ACOT11: variants seen among roughly 807,000 people sequenced by gnomAD.
ACOT11 encodes acyl-coenzyme A thioesterase 11.
ACOT11 carries 69 observed loss-of-function variants against 77.5 expected under a neutral mutation model. The ratio of observed to expected loss-of-function variants is 0.89; its 90% CI spans 0.73 to 1.09. The LOEUF (loss-of-function observed/expected upper bound fraction) is 1.09, where lower values mean the gene tolerates loss of function less well. Among genes scored for constraint, ACOT11 ranks in the 50% least tolerant of loss-of-function variants. The pLI is 0.00. For synonymous variants in ACOT11, 279 were observed against 313.0 expected, an observed-to-expected ratio of 0.89 and a Z score of 1.15; for missense variants, 766 against 813.7, an observed-to-expected ratio of 0.94 and a Z score of 0.71.
chr1:54,566,110 T>G (rs1242098311), intron 1 of ACOT11, among the ~76,000 whole-genome samples: 2 of 152,160 alleles, frequency 1.3e-5, no homozygotes, highest in Non-Finnish European at 2.9e-5. Context: ...CCTCACTGAC[T>G]GCTTGCTCGC....
At position 54,619,831 on chromosome 1, in the gene ACOT11, C is replaced by T. The variant is rs764448487; in HGVS notation, c.1630-10903C>T. On this transcript the variant is annotated intron_variant, in intron 15 of 16. Transcript: ENST00000371316. ...CCCTCTGTCTTCTCTATCCCTTGCC[C>T]TGGCCTGCCTCAGTCTTGGCAGCTG... The T allele has an allele frequency of 1.9e-6, 3 of 1,610,332 alleles. No individual in the cohort carries two copies. In the African/African-American group the frequency reaches 4.0e-5, roughly 21 times the overall value.
chr1:54,577,347 T>C (rs1239166898), intron 1 of ACOT11, among the ~76,000 whole-genome samples: 3 of 152,234 alleles, frequency 2.0e-5, no homozygotes, highest in Non-Finnish European at 4.4e-5. Flanking sequence ...CAGCTTTTTG[T>C]TTCTATAGAT....
chr1:54,558,912 G>A (rs1230830275), intron 1 of ACOT11, among the ~76,000 whole-genome samples: 8 of 152,160 alleles, frequency 5.3e-5, no homozygotes, highest in Admixed American at 3.3e-4. Flanking sequence ...TGCAGTTCCC[G>A]CACGCTGGGC....
At chr1:54,580,206 C>A (rs1039357963) in intron 1 of ACOT11, among the ~76,000 whole-genome samples, 1 of 152,148 alleles carries the variant, frequency 6.6e-6, no homozygotes, top group African/African-American at 2.4e-5. Context: ...GCTAGGCTGA[C>A]CCCCAAGGCC....
intron 6 of ACOT11, 144 bp downstream of exon 6, chr1:54,594,835 T>C: frequency 1.7e-6 from 2 of 1,182,828 alleles, no homozygotes; most frequent in East Asian, 2.7e-5. Context: ...CTAGCCCTCT[T>C]GGCTCCGAGG....
intron 1 of ACOT11, among the ~76,000 whole-genome samples, chr1:54,554,351 A>ATATATATATATAT (rs1553161034): frequency 3.8e-4 from 37 of 97,250 alleles, no homozygotes; most frequent in Non-Finnish European, 6.3e-4. Context: ...ATATATATAT[A>ATATATATATATAT]TTTTTTTTTT....
chr1:54,552,892 A>G (rs1653120072), intron 1 of ACOT11, among the ~76,000 whole-genome samples: 1 of 141,928 alleles, frequency 7.0e-6, no homozygotes, highest in Non-Finnish European at 1.5e-5. Context: ...CAGTGGTGCT[A>G]TTTTGGCTCA....
At chr1:54,567,625 C>T (rs1306201972) in intron 1 of ACOT11, among the ~76,000 whole-genome samples, 4 of 152,210 alleles carry the variant, frequency 2.6e-5, no homozygotes, top group East Asian at 1.9e-4. Context: ...ATCATCTCCA[C>T]GACCAAGTCC....
intron 1 of ACOT11, among the ~76,000 whole-genome samples, chr1:54,570,349 A>G (rs910741228): frequency 6.6e-6 from 1 of 152,238 alleles, no homozygotes; most frequent in African/African-American, 2.4e-5. Context: ...TTCAACTGGC[A>G]GTGCCAGGAG....
chr1:54,593,550 G>A (rs1344185128), intron 4 of ACOT11, among the ~76,000 whole-genome samples: 1 of 148,152 alleles, frequency 6.7e-6, no homozygotes, highest in African/African-American at 2.5e-5. Context: ...TCCTCCCGCT[G>A]CAGCCTCCCA....
chr1:54,557,101 T>A (rs1044776831), intron 1 of ACOT11, among the ~76,000 whole-genome samples: 4 of 151,612 alleles, frequency 2.6e-5, no homozygotes, highest in African/African-American at 9.7e-5. Context: ...TAAAAAAAAT[T>A]TTTATACTTA....
intron 1 of ACOT11, among the ~76,000 whole-genome samples, chr1:54,550,049 TATC>T (rs1300750293): frequency 6.6e-6 from 1 of 152,192 alleles, no homozygotes; most frequent in Non-Finnish European, 1.5e-5. Context: ...TAGGTACAGT[TATC>T]ATCCCCGTAT....
At position 54,609,408 on chromosome 1, in the gene ACOT11, C is replaced by A; in HGVS notation, c.*296C>A. Reference sequence around the variant, plus strand: ...TAGTCGCCCCCAGCTGGGTTGTGCTCCACTGTGACGGTGGCCCGGGGGGAG... The same window carrying A: ...TAGTCGCCCCCAGCTGGGTTGTGCTACACTGTGACGGTGGCCCGGGGGGAG... On this transcript the variant is annotated 3_prime_UTR_variant, in exon 16 of 16. Coordinates refer to ENST00000343744, the MANE Select transcript of ACOT11 (RefSeq NM_147161.4). 6.2e-7 allele frequency: 1 copy of A among 1,614,030 alleles called. No individual in the cohort carries two copies. The highest frequency in any genetic ancestry group is 1.3e-5 in the African/African-American group (1 of 75,038).
intron 1 of ACOT11, among the ~76,000 whole-genome samples, chr1:54,569,127 AAT>A: frequency 2.2e-5 from 1 of 44,690 alleles, no homozygotes; most frequent in African/African-American, 9.2e-5. Context: ...AAAAAAAAAT[AAT>A]TTTTTTTTTT....
At chr1:54,611,713 T>TC (rs1347723297), downstream of ACOT11, 2 of 1,614,030 alleles carry the variant, frequency 1.2e-6, no homozygotes, top group Non-Finnish European at 1.7e-6. Flanking sequence ...CGACATGGGG[T>TC]CCGAGGCAGC....
chr1:54,570,830 G>A (rs1349635731), intron 1 of ACOT11, among the ~76,000 whole-genome samples: 6 of 151,344 alleles, frequency 4.0e-5, no homozygotes, highest in African/African-American at 9.8e-5. Flanking sequence ...ACAGGCACCC[G>A]CCACCACACC....
In ACOT11 at chr1:54,548,286, T is replaced by G. The variant is rs1336287564; in HGVS notation, c.-24T>G. ...CCAGCTTGTGTCTCTGGGAGGGCGC[T>G]GCTTTCCCCGGCCACCCGGCGCGAT... On this transcript the variant is annotated 5_prime_UTR_variant, in exon 1 of 16. Coordinates refer to ENST00000343744, the MANE Select transcript of ACOT11 (RefSeq NM_147161.4). 15 of 1,587,600 alleles carry G rather than the reference T, an allele frequency of 9.4e-6. No homozygotes were observed. The highest frequency in any genetic ancestry group is 1.8e-5 in the Admixed American group (1 of 56,162).
At chr1:54,612,478 GTT>G, downstream of ACOT11, 1 of 1,610,904 alleles carries the variant, frequency 6.2e-7, no homozygotes, top group Non-Finnish European at 8.5e-7. Context: ...GGGTTTGGTG[GTT>G]TTCACCTCTC....
chr1:54,551,095 A>G (rs1221581163), intron 1 of ACOT11, among the ~76,000 whole-genome samples: 5 of 147,728 alleles, frequency 3.4e-5, no homozygotes, highest in Admixed American at 1.4e-4. Context: ...AGCTGAGATC[A>G]CACCACTGCA....
Sources: allele counts gnomAD v4.1 joint callset (sites outside exome capture counted in the v4.1 genomes callset), GRCh38; gene constraint gnomAD v4.1.1; transcripts MANE v1.5; gene names NCBI Gene and HGNC (gene_info 2026-07-23, HGNC 2026-07-21).